Variants in SERF2 observed in about 807,000 individuals in gnomAD.
The protein encoded by SERF2 is small EDRK-rich factor 2.
SERF2 carries 4 observed loss-of-function variants against 10.7 expected under a neutral mutation model. The ratio of observed to expected loss-of-function variants is 0.37; its 90% CI spans 0.18 to 0.86. The LOEUF is 0.86. SERF2 is among the 40% of genes least tolerant of loss of function. The pLI is 0.43. For synonymous variants in SERF2, 26 were observed against 26.0 expected (o/e 1.00, Z 0.01); for missense variants, 47 against 79.1 (o/e 0.59, Z 1.54).
At chr15:43,787,873 G>GTT (rs76113372), upstream of SERF2, among the ~76,000 whole-genome samples, 70 of 118,192 alleles carry the variant, frequency 5.9e-4, 1 homozygote, top group Non-Finnish European at 7.2e-4. Flanking sequence ...TAGATTTTTA[G>GTT]TTTTTTTTTT....
chr15:43,788,182 T>A (rs1404284327), upstream of SERF2, among the ~76,000 whole-genome samples: 2 of 150,520 alleles, frequency 1.3e-5, no homozygotes, highest in Non-Finnish European at 3.0e-5. Context: ...GCCTAATTTT[T>A]AAATTTTTTG....
rs2087147930 is a variant in SERF2 at position 43,794,246 on chromosome 15, G to A, written c.*473G>A. ...GATATGCAGTAGAGGAATCCTCTAAGAACCATAGAGACTTCTTTTCTGTGA... is the reference window on the plus strand; with the variant it reads ...GATATGCAGTAGAGGAATCCTCTAAAAACCATAGAGACTTCTTTTCTGTGA... On this transcript the variant is annotated 3_prime_UTR_variant, in exon 3 of 3. Coordinates refer to ENST00000249786, the MANE Select transcript of SERF2 (RefSeq NM_001018108.4). 2.5e-6 allele frequency: 1 copy of A among 396,912 alleles called. No individual in the cohort carries two copies. Among genetic ancestry groups the A allele is most frequent in the Non-Finnish European group, 4.5e-6 (1 of 220,932 alleles). 24.6% of individuals were successfully genotyped at this position (396,912 alleles called of 1,614,324 possible).
rs967197581 is a variant in SERF2 at position 43,794,252 on chromosome 15, T to TA, written c.*480dup. On this transcript the variant is annotated 3_prime_UTR_variant, in exon 3 of 3. Transcript: ENST00000249786. ...CAGTAGAGGAATCCTCTAAGAACCA[T>TA]AGAGACTTCTTTTCTGTGATTTTTG... 1 of 366,422 alleles carries TA rather than the reference T, an allele frequency of 2.7e-6. No individual in the cohort carries two copies. The allele number at this position is 366,422 out of a possible 1,614,324, so 22.7% of individuals were successfully genotyped here. A position where few individuals can be genotyped will look rare whatever the true frequency, so the allele number is the denominator to read the frequency against.
intron 2 of SERF2, among the ~76,000 whole-genome samples, chr15:43,786,727 T>C (rs1287328464): frequency 6.6e-6 from 1 of 152,198 alleles, no homozygotes; most frequent in Non-Finnish European, 1.5e-5. Context: ...TCCAACAGCA[T>C]GACCAAGAAC....
At chr15:43,780,650 A>G (rs1411200870) in intron 1 of SERF2, among the ~76,000 whole-genome samples, 1 of 152,086 alleles carries the variant, frequency 6.6e-6, no homozygotes, top group Non-Finnish European at 1.5e-5. Flanking sequence ...GATACCTCAT[A>G]CAGTAGTCTA....
At chr15:43,792,440 C>G in intron 1 of SERF2, 57 bp downstream of exon 1, 7 of 1,613,658 alleles carry the variant, frequency 4.3e-6, no homozygotes, top group Non-Finnish European at 5.9e-6. Flanking sequence ...CTAAACACCA[C>G]CGGCGAGGCG....
upstream of SERF2, among the ~76,000 whole-genome samples, chr15:43,789,621 G>C (rs1040641182): frequency 2.0e-5 from 3 of 152,092 alleles, no homozygotes; most frequent in African/African-American, 7.2e-5. Context: ...GTTTTTATGG[G>C]TCAGTGCTTA....
intron 1 of SERF2, among the ~76,000 whole-genome samples, chr15:43,783,405 C>T (rs2086980145): frequency 6.6e-6 from 1 of 152,028 alleles, no homozygotes; most frequent in South Asian, 2.1e-4. Context: ...TCAAGCAATT[C>T]TTGTGCCTCA....
Position 43,795,044 on chromosome 15 carries a change from G to C in SERF2, c.*1271G>C, listed in dbSNP as rs145705656. 1 of 1,612,700 alleles carries C rather than the reference G, an allele frequency of 6.2e-7. No individual in the cohort carries two copies. Among genetic ancestry groups the C allele is most frequent in the East Asian group, 2.2e-5 (1 of 44,874 alleles). ...TTATCTGGGGATATGATGCGGTGGC[G>C]GCGGCGCCTCAAGATAAGGGGCTGG... On this transcript the variant is annotated 3_prime_UTR_variant, in exon 3 of 3. Transcript: ENST00000249786.
rs1208333364 is a variant in SERF2, at chr15:43,795,290, T to C, written c.*1517T>C. ...ACCTGTTCTACCTCCTCACCAAATA[T>C]AATGGCAGACCCATGTGTGTCTGGA... is the stretch of plus-strand genomic sequence containing the variant. On this transcript the variant is annotated 3_prime_UTR_variant, in exon 3 of 3. Coordinates refer to ENST00000249786, the MANE Select transcript of SERF2 (RefSeq NM_001018108.4). 2.5e-5 allele frequency: 40 copies of C among 1,585,886 alleles called. No individual in the cohort carries two copies. Among genetic ancestry groups the C allele is most frequent in the Non-Finnish European group, 3.0e-5 (35 of 1,155,470 alleles).
chr15:43,786,420 A>AG (rs2087008128), intron 2 of SERF2, among the ~76,000 whole-genome samples: 1 of 151,624 alleles, frequency 6.6e-6, no homozygotes, highest in Non-Finnish European at 1.5e-5. Context: ...GTCTCAAAAA[A>AG]AAAAAAAAAA....
At chr15:43,793,623 A>T in intron 2 of SERF2, 87 bp from the exon 3 acceptor site, 1 of 1,611,282 alleles carries the variant, frequency 6.2e-7, no homozygotes. Context: ...ATCCACTTCC[A>T]TCTTATCCTT....
At chr15:43,780,615 T>G (rs2086957266) in intron 1 of SERF2, among the ~76,000 whole-genome samples, 1 of 152,178 alleles carries the variant, frequency 6.6e-6, no homozygotes, top group African/African-American at 2.4e-5. Flanking sequence ...TTCTGCCTTC[T>G]GTATCTGTGA....
Position 43,794,267 on chromosome 15 carries a change from T to A in SERF2, c.*494T>A, listed in dbSNP as rs2087148714. ...CTAAGAACCATAGAGACTTCTTTTC[T>A]GTGATTTTTGTTCCCCACCCTTGAA... On this transcript the variant is annotated 3_prime_UTR_variant, in exon 3 of 3. Transcript: ENST00000249786. The A allele has an allele frequency of 9.2e-6, 3 of 326,776 alleles. No individual in the cohort carries two copies. In the East Asian group the frequency reaches 1.6e-4, roughly 17 times the overall value. The allele number at this position is 326,776 out of a possible 1,614,324, so 20.2% of individuals were successfully genotyped here.
In SERF2 at chr15:43,793,918, TG is replaced by T; in HGVS notation, c.*146del. 1 of 1,570,104 alleles carries T rather than the reference TG, an allele frequency of 6.4e-7. No homozygotes were observed. Among genetic ancestry groups the T allele is most frequent in the Non-Finnish European group, 8.6e-7 (1 of 1,157,112 alleles). On this transcript the variant is annotated 3_prime_UTR_variant, in exon 3 of 3. Transcript: ENST00000249786. ...CCCTGAGTCTGCAGCGGGTCCCTTT[TG>T]TGCTTCCTTCCCCTCAGGTAGCCTC...
At chr15:43,793,631 C>A (rs766891421) in intron 2 of SERF2, 79 bp from the exon 3 acceptor site, 1 of 1,612,776 alleles carries the variant, frequency 6.2e-7, no homozygotes, top group South Asian at 1.1e-5. Flanking sequence ...CCATCTTATC[C>A]TTTGTGCCCT....
rs1293495530 is a variant in SERF2 at position 43,795,828 on chromosome 15, T to G, written c.*2055T>G. On this transcript the variant is annotated 3_prime_UTR_variant, in exon 3 of 3. Transcript: ENST00000249786. ...CCCCCGTGAAAAGATTGGTCTAGTA[T>G]TAAAAAGTGGAGGCACACCTGGGTT... The G allele has an allele frequency of 2.2e-6, 3 of 1,370,058 alleles. No individual in the cohort carries two copies. The African/African-American group carries it at 4.3e-5, about 20-fold the overall frequency. The allele number at this position is 1,370,058 out of a possible 1,614,324, so 84.9% of individuals were successfully genotyped here.
upstream of SERF2, among the ~76,000 whole-genome samples, chr15:43,790,765 T>C (rs118169162): frequency 4.2e-3 from 644 of 151,700 alleles, 2 homozygotes; most frequent in Middle Eastern, 0.01. Flanking sequence ...ATTAACTGTT[T>C]ATTTATTATT....
At chr15:43,789,125 G>C (rs2087031857), upstream of SERF2, among the ~76,000 whole-genome samples, 1 of 151,350 alleles carries the variant, frequency 6.6e-6, no homozygotes, top group South Asian at 2.1e-4. Flanking sequence ...CTCCAGCCTG[G>C]GCGACAGAGT....
Sources: gnomAD v4.1 joint callset for allele counts (sites outside exome capture counted in the v4.1 genomes callset) on GRCh38, gnomAD v4.1.1 for gene constraint, MANE v1.5 for transcripts, NCBI Gene and HGNC (gene_info 2026-07-23, HGNC 2026-07-21) for gene names.